Variants in IL16 observed in about 807,000 individuals in gnomAD.
IL16 encodes the protein interleukin 16.
A neutral mutation model predicts 110.1 loss-of-function variants in IL16; 67 were observed. The ratio of observed to expected loss-of-function variants is 0.61; its 90% CI spans 0.50 to 0.75. The LOEUF is 0.75. Among genes scored for constraint, IL16 ranks in the 30% least tolerant of loss-of-function variants. The pLI is 0.00. For synonymous variants in IL16, 689 were observed against 662.9 expected (o/e 1.04, Z -0.61); for missense variants, 1,545 against 1,655.0 (o/e 0.93, Z 1.15).
intron 2 of IL16, among the ~76,000 whole-genome samples, chr15:81,232,054 T>TTTTTTTTTTTTTTTTTTTTTTG (rs1567009305): frequency 7.5e-6 from 1 of 133,540 alleles, no homozygotes; most frequent in Non-Finnish European, 1.5e-5. Flanking sequence ...TTTTTTTTTT[T>TTTTTTTTTTTTTTTTTTTTTTG]TTTTTTTTTT....
At chr15:81,183,683 A>G (rs1895378065) in intron 1 of IL16, among the ~76,000 whole-genome samples, 1 of 152,246 alleles carries the variant, frequency 6.6e-6, no homozygotes, top group African/African-American at 2.4e-5. Context: ...GAACCCTGGC[A>G]TCTACTTGCT....
At chr15:81,241,119 G>C (rs1897323345) in intron 2 of IL16, among the ~76,000 whole-genome samples, 1 of 151,988 alleles carries the variant, frequency 6.6e-6, no homozygotes, top group Admixed American at 6.6e-5. Context: ...TATGAACATG[G>C]GGTTGTTTCT....
chr15:81,188,121 G>A (rs1296433586), intron 1 of IL16, among the ~76,000 whole-genome samples: 1 of 152,132 alleles, frequency 6.6e-6, no homozygotes, highest in Non-Finnish European at 1.5e-5. Context: ...CACTAGAGTT[G>A]TCCTCATATT....
chr15:81,211,849 C>T (rs1007456225), intron 1 of IL16, among the ~76,000 whole-genome samples: 1 of 152,096 alleles, frequency 6.6e-6, no homozygotes, highest in Non-Finnish European at 1.5e-5. Flanking sequence ...AATCTTGCAT[C>T]CTAGGAATAA....
intron 1 of IL16, among the ~76,000 whole-genome samples, chr15:81,191,138 T>G (rs1029079795): frequency 2.0e-5 from 3 of 152,246 alleles, no homozygotes; most frequent in Admixed American, 2.0e-4. Context: ...CAAGGTTCTA[T>G]ATCTCTGAGT....
At position 81,308,672 on chromosome 15, in the gene IL16, C is replaced by T. The variant is rs1229787414; in HGVS notation, c.3873C>T (p.Ala1291=). 3 of 1,612,632 alleles carry T rather than the reference C, an allele frequency of 1.9e-6. No individual in the cohort carries two copies. Among genetic ancestry groups the T allele is most frequent in the Non-Finnish European group, 1.7e-6 (2 of 1,178,646 alleles). Residue 1291 remains alanine, a synonymous_variant, in exon 19 of 19, where the codon GCC becomes GCT. Coordinates refer to ENST00000683961, the MANE Select transcript of IL16 (RefSeq NM_172217.5). ...AAATCTTACAGCTGGGTGGCACTGC[C>T]ATGCAGGGCCTCACACGGTTTGAAG... is the stretch of plus-strand genomic sequence containing the variant. ...GDEILQLGGT[A]MQGLTRFEAW...
chr15:81,275,062 G>A (rs1429530003), intron 6 of IL16, among the ~76,000 whole-genome samples: 1 of 151,944 alleles, frequency 6.6e-6, no homozygotes, highest in African/African-American at 2.4e-5. Context: ...CGCAAAGGGC[G>A]GGGCGGGTCA....
chr15:81,262,272 T>G (rs993695016), intron 3 of IL16, among the ~76,000 whole-genome samples: 6 of 152,234 alleles, frequency 3.9e-5, no homozygotes, highest in African/African-American at 1.4e-4. Flanking sequence ...GCTTTTATTT[T>G]AATTTTTTAA....
chr15:81,301,333 C>G lies in IL16; in HGVS notation c.3150-11C>G. ...GTTGTTCATACTGTGTGTTGTTTCT[C>G]CTTATGAAAGCCTTTCAGAGCTGAG... On this transcript the variant is annotated splice_polypyrimidine_tract_variant and intron_variant, in intron 14 of 18. Coordinates refer to ENST00000683961, the MANE Select transcript of IL16 (RefSeq NM_172217.5). The G allele has an allele frequency of 6.3e-7, 1 of 1,591,532 alleles. No homozygotes were observed.
chr15:81,185,717 G>A (rs192832201), intron 1 of IL16, among the ~76,000 whole-genome samples: 1 of 152,252 alleles, frequency 6.6e-6, no homozygotes, highest in East Asian at 1.9e-4. Context: ...CGGCAAAGAG[G>A]GTTAAGTTCT....
intron 18 of IL16, 113 bp downstream of exon 18, chr15:81,306,658 C>T (rs1900581813): frequency 3.9e-6 from 5 of 1,289,164 alleles, no homozygotes; most frequent in Non-Finnish European, 5.6e-6. Context: ...ACTCCATGTC[C>T]TCTTCATAGG....
In IL16 at chr15:81,225,678, A is replaced by G; in HGVS notation, c.279A>G (p.Arg93=). ...AAQLQAAGND[R]GKTCRRIFFM... The stretch of plus-strand genomic sequence containing the variant: ...AACTCCAAGCAGCTGGGAATGATCG[A>G]GGCAAGACCTGTAGGAGGATATTCT... Residue 93 remains arginine, a synonymous_variant, in exon 2 of 19, where the codon CGA becomes CGG. Transcript: ENST00000683961. 1 of 1,613,468 alleles carries G rather than the reference A, an allele frequency of 6.2e-7. No individual in the cohort carries two copies. The highest frequency in any genetic ancestry group is 1.1e-5 in the South Asian group (1 of 91,024).
intron 2 of IL16, among the ~76,000 whole-genome samples, chr15:81,251,918 A>G (rs1897782098): frequency 1.3e-5 from 2 of 152,292 alleles, no homozygotes; most frequent in African/African-American, 4.8e-5. Context: ...TAGTAACATA[A>G]TGCTGTAATG....
intron 15 of IL16, 48 bp downstream of exon 15, chr15:81,301,560 C>T: frequency 1.3e-6 from 2 of 1,551,174 alleles, no homozygotes; most frequent in South Asian, 2.3e-5. Flanking sequence ...CTTATTATGG[C>T]TGTGTGGCCA....
intron 2 of IL16, among the ~76,000 whole-genome samples, chr15:81,227,424 G>A (rs1308083327): frequency 6.6e-6 from 1 of 152,160 alleles, no homozygotes; most frequent in Non-Finnish European, 1.5e-5. Flanking sequence ...ATGAAGTGGA[G>A]GGGGGTGCAT....
chr15:81,278,767 C>T (rs534925444), intron 6 of IL16, 50 bp from the exon 7 acceptor site: 2 of 1,219,954 alleles, frequency 1.6e-6, no homozygotes, highest in Admixed American at 1.7e-5. Context: ...ATGATAATGC[C>T]CTTTGATTGG....
chr15:81,290,374 C>A (rs1899654744), intron 10 of IL16, 79 bp from the exon 11 acceptor site: 3 of 931,406 alleles, frequency 3.2e-6, no homozygotes, highest in African/African-American at 1.7e-5. Context: ...AGTGGCCCAG[C>A]TTTGGAGCTG....
At position 81,294,473 on chromosome 15, in the gene IL16, G is replaced by T. The variant is rs968834222; in HGVS notation, c.1902+1436G>T. On this transcript the variant is annotated intron_variant, in intron 12 of 18. Coordinates refer to ENST00000683961, the MANE Select transcript of IL16 (RefSeq NM_172217.5). ...GTGATGCCCTTGGCAGAGCCACATA[G>T]GGTCAGGGAATATTCCCGAGTAAGG... 4.6e-5 allele frequency among the ~76,000 whole-genome samples: 7 copies of T among 152,330 alleles called. No homozygotes were observed. The East Asian group carries it at 1.2e-3, about 25-fold the overall frequency.
At chr15:81,186,118 C>A (rs932383476) in intron 1 of IL16, among the ~76,000 whole-genome samples, 21 of 152,202 alleles carry the variant, frequency 1.4e-4, no homozygotes, top group Non-Finnish European at 2.8e-4. Context: ...CTACCAGAGG[C>A]CTCGCCCTGA....
Sources: gnomAD v4.1 joint callset for allele counts (sites outside exome capture counted in the v4.1 genomes callset) on GRCh38, gnomAD v4.1.1 for gene constraint, MANE v1.5 for transcripts, NCBI Gene and HGNC (gene_info 2026-07-23, HGNC 2026-07-21) for gene names.